AKT3: variants seen among roughly 807,000 people sequenced by gnomAD.
AKT3 encodes RAC-gamma serine/threonine-protein kinase.
AKT3 carries 15 observed loss-of-function variants against 65.3 expected under a neutral mutation model. The ratio of observed to expected loss-of-function variants is 0.23; its 90% confidence interval spans 0.15 to 0.35. AKT3 has a LOEUF of 0.35. Among genes scored for constraint, AKT3 ranks in the 10% least tolerant of loss-of-function variants. AKT3 has a pLI of 1.00. For synonymous variants in AKT3, 206 were observed against 183.8 expected (o/e 1.12, Z -0.98); for missense variants, 243 against 576.5 (o/e 0.42, Z 5.92).
At chr1:243,583,055 CAAG>C (rs1675492704) in intron 8 of AKT3, among the ~76,000 whole-genome samples, 1 of 149,776 alleles carries the variant, frequency 6.7e-6, no homozygotes, top group Non-Finnish European at 1.5e-5. Context: ...CTCAATTCAA[CAAG>C]AAGACTTAAC....
chr1:243,498,032 T>A (rs1346430893), downstream of AKT3, among the ~76,000 whole-genome samples: 1 of 151,392 alleles, frequency 6.6e-6, no homozygotes, highest in Admixed American at 6.6e-5. Context: ...CCTTTTGTAT[T>A]CAGTCATCCT....
intron 2 of AKT3, among the ~76,000 whole-genome samples, chr1:243,771,496 C>A (rs1251647243): frequency 6.6e-6 from 1 of 152,124 alleles, no homozygotes; most frequent in African/African-American, 2.4e-5. Context: ...TTTGTTAATT[C>A]TTGCTGTAAT....
At chr1:243,692,596 G>A (rs560837301) in intron 3 of AKT3, among the ~76,000 whole-genome samples, 6 of 152,170 alleles carry the variant, frequency 3.9e-5, no homozygotes, top group Admixed American at 1.3e-4. Flanking sequence ...AAATTAGCCA[G>A]GCATGGTGGT....
intron 3 of AKT3, among the ~76,000 whole-genome samples, chr1:243,695,306 T>C (rs899968061): frequency 2.0e-5 from 3 of 151,982 alleles, no homozygotes; most frequent in Non-Finnish European, 2.9e-5. Context: ...TCAAAGGTCC[T>C]TGTTTTTATG....
chr1:243,577,056 A>G (rs1274002497), intron 8 of AKT3, among the ~76,000 whole-genome samples: 1 of 152,172 alleles, frequency 6.6e-6, no homozygotes, highest in African/African-American at 2.4e-5. Context: ...CAGAATAGAG[A>G]ACTCAGAAAT....
chr1:243,714,424 A>G (rs1249411455), intron 2 of AKT3, among the ~76,000 whole-genome samples: 1 of 152,196 alleles, frequency 6.6e-6, no homozygotes, highest in Non-Finnish European at 1.5e-5. Flanking sequence ...GGCACAGTGT[A>G]TTTTGAAAAT....
chr1:243,690,556 T>A (rs1477502838), intron 3 of AKT3, among the ~76,000 whole-genome samples: 3 of 152,202 alleles, frequency 2.0e-5, no homozygotes, highest in Non-Finnish European at 2.9e-5. Context: ...TATATATTAA[T>A]AGTTCTTATG....
At chr1:243,538,774 T>C (rs1672098915) in intron 12 of AKT3, among the ~76,000 whole-genome samples, 1 of 151,570 alleles carries the variant, frequency 6.6e-6, no homozygotes, top group Non-Finnish European at 1.5e-5. Context: ...GGCAAGAGGA[T>C]TGCTTGAGCC....
chr1:243,653,700 A>G lies in AKT3; in HGVS notation c.285-7663T>C, dbSNP rs1681550011. On this transcript the variant is annotated intron_variant, in intron 4 of 13. Transcript: ENST00000673466. ...AGTGCTGAGAATTTTTAAATCTCCA[A>G]ATATGGTTGTGAAATTGCCCATTTT... 3.3e-5 allele frequency among the ~76,000 whole-genome samples: 5 copies of G among 152,288 alleles called. No homozygotes were observed. The South Asian group carries it at 1.0e-3, about 32-fold the overall frequency.
At chr1:243,558,427 T>C (rs757742872) in intron 10 of AKT3, among the ~76,000 whole-genome samples, 1 of 152,056 alleles carries the variant, frequency 6.6e-6, no homozygotes, top group African/African-American at 2.4e-5. Flanking sequence ...TTAAAGATAG[T>C]AGGTTTCAAA....
intron 2 of AKT3, among the ~76,000 whole-genome samples, chr1:243,698,365 TTTC>T (rs1295656353): frequency 2.0e-5 from 3 of 152,152 alleles, no homozygotes; most frequent in Non-Finnish European, 4.4e-5. Context: ...AATAACACCA[TTTC>T]TTCTTCTTTT....
chr1:243,731,241 T>G (rs1279426303), intron 2 of AKT3, among the ~76,000 whole-genome samples: 1 of 152,216 alleles, frequency 6.6e-6, no homozygotes, highest in Non-Finnish European at 1.5e-5. Flanking sequence ...TAGATATATA[T>G]TATGTTGTTG....
chr1:243,624,901 C>T (rs772408928), intron 6 of AKT3: 9 of 212,782 alleles, frequency 4.2e-5, no homozygotes, highest in South Asian at 9.6e-5. Context: ...ACTTTGAATC[C>T]TGATCACCAC....
At chr1:243,721,110 ATC>A (rs1178217578) in intron 2 of AKT3, among the ~76,000 whole-genome samples, 3 of 151,984 alleles carry the variant, frequency 2.0e-5, no homozygotes, top group Non-Finnish European at 4.4e-5. Context: ...TAAAGACTAG[ATC>A]TCTCTTCTCC....
chr1:243,804,733 G>C (rs1477813068), intron 2 of AKT3, among the ~76,000 whole-genome samples: 1 of 151,946 alleles, frequency 6.6e-6, no homozygotes, highest in Non-Finnish European at 1.5e-5. Flanking sequence ...TGTAGTCCCA[G>C]CTACTCAGGA....
Position 243,652,415 on chromosome 1 carries a change from G to A in AKT3, c.285-6378C>T, listed in dbSNP as rs182551269. Among the ~76,000 whole-genome samples the A allele has an allele frequency of 2.4e-4, 37 of 152,136 alleles. No individual in the cohort carries two copies. In the East Asian group the frequency reaches 7.2e-3, roughly 29 times the overall value. On this transcript the variant is annotated intron_variant, in intron 4 of 13. Coordinates refer to ENST00000673466, the MANE Select transcript of AKT3 (RefSeq NM_005465.7). ...GAGAAATAGAATGCTTTACAGACAAGCAAATGCTGAGAGGTTTTGTCACCA... is the reference window on the plus strand; with the variant it reads ...GAGAAATAGAATGCTTTACAGACAAACAAATGCTGAGAGGTTTTGTCACCA...
chr1:243,798,937 T>C (rs1436028782), intron 2 of AKT3, among the ~76,000 whole-genome samples: 1 of 152,222 alleles, frequency 6.6e-6, no homozygotes, highest in Non-Finnish European at 1.5e-5. Context: ...TGACTTAAAT[T>C]CTGTTCATCG....
intron 12 of AKT3, among the ~76,000 whole-genome samples, chr1:243,524,504 CA>C (rs1438643154): frequency 1.3e-5 from 2 of 152,172 alleles, no homozygotes; most frequent in Non-Finnish European, 2.9e-5. Flanking sequence ...AGAATTGGGA[CA>C]AAAGAGAAGG....
At chr1:243,842,336 T>C (rs1250098690) in intron 2 of AKT3, among the ~76,000 whole-genome samples, 1 of 152,178 alleles carries the variant, frequency 6.6e-6, no homozygotes. Flanking sequence ...AATGGAACAG[T>C]CCTCATCCTA....
Sources: allele counts gnomAD v4.1 joint callset (sites outside exome capture counted in the v4.1 genomes callset), GRCh38; gene constraint gnomAD v4.1.1; transcripts MANE v1.5; gene names NCBI Gene and HGNC (gene_info 2026-07-23, HGNC 2026-07-21).